The following CCDC172 variants were observed in gnomAD, a reference collection of about 807,000 sequenced individuals.
The protein encoded by CCDC172 is coiled-coil domain containing 172, also known as coiled-coil domain-containing protein 172.
CCDC172 carries 30 observed loss-of-function variants against 38.0 expected under a neutral mutation model. That is an observed-to-expected ratio of 0.79 (90% CI 0.59 to 1.07). The LOEUF is 1.07. Among genes scored for constraint, CCDC172 ranks in the 50% least tolerant of loss-of-function variants. CCDC172 has a pLI of 0.00. For synonymous variants in CCDC172, 78 were observed against 88.3 expected (o/e 0.88, Z 0.66); for missense variants, 297 against 290.1 (o/e 1.02, Z -0.17).
chr10:116,338,566 T>C (rs1844757357), intron 3 of CCDC172, among the ~76,000 whole-genome samples: 1 of 152,094 alleles, frequency 6.6e-6, no homozygotes, highest in Non-Finnish European at 1.5e-5. Flanking sequence ...GTCTACTTTT[T>C]AGTTTTTGGG....
At chr10:116,353,609 G>A (rs951151753) in intron 5 of CCDC172, among the ~76,000 whole-genome samples, 3 of 152,196 alleles carry the variant, frequency 2.0e-5, no homozygotes, top group Non-Finnish European at 2.9e-5. Flanking sequence ...GCCACTTCCA[G>A]TAGGGGCTTG....
intron 5 of CCDC172, among the ~76,000 whole-genome samples, chr10:116,352,320 T>C (rs867480808): frequency 2.6e-5 from 4 of 152,102 alleles, no homozygotes; most frequent in Non-Finnish European, 5.9e-5. Flanking sequence ...GTAAACACAA[T>C]GTTTGGTATA....
intron 7 of CCDC172, among the ~76,000 whole-genome samples, chr10:116,376,957 C>A (rs1222514355): frequency 1.3e-5 from 2 of 151,964 alleles, no homozygotes; most frequent in Admixed American, 1.3e-4. Context: ...CATTACTACA[C>A]CCATATACTT....
intron 5 of CCDC172, among the ~76,000 whole-genome samples, chr10:116,353,649 A>G (rs1279305401): frequency 6.6e-6 from 1 of 152,244 alleles, no homozygotes; most frequent in African/African-American, 2.4e-5. Flanking sequence ...GAGGAGAAAG[A>G]CAGTGGTATT....
chr10:116,378,300 T>C lies in CCDC172; in HGVS notation c.654-123T>C, dbSNP rs897813072. On this transcript the variant is annotated intron_variant, in intron 7 of 8. Transcript: ENST00000333254. ...TATGGAATTATAGATAATTAAAATATGCCAATTATTTAGTCTTAACTTGAA... is the reference window on the plus strand; with the variant it reads ...TATGGAATTATAGATAATTAAAATACGCCAATTATTTAGTCTTAACTTGAA... 6.2e-6 allele frequency: 6 copies of C among 968,130 alleles called. No individual in the cohort carries two copies. In the African/African-American group the frequency reaches 8.6e-5, roughly 14 times the overall value. 60.0% of individuals were successfully genotyped at this position (968,130 alleles called of 1,614,324 possible).
At chr10:116,325,165 G>A in intron 2 of CCDC172, 75 bp downstream of exon 2, 7 of 1,537,212 alleles carry the variant, frequency 4.6e-6, no homozygotes, top group Non-Finnish European at 6.3e-6. Flanking sequence ...AGGAAATCCC[G>A]AAGGCAGTGG....
intron 7 of CCDC172, among the ~76,000 whole-genome samples, chr10:116,372,504 T>A (rs1845196775): frequency 6.6e-6 from 1 of 152,132 alleles, no homozygotes. Context: ...TTTTCCTAAT[T>A]TTGCTTTTTC....
chr10:116,361,237 A>G (rs73375746), intron 7 of CCDC172, among the ~76,000 whole-genome samples: 15,900 of 151,936 alleles, frequency 0.1, 1,472 homozygotes, highest in East Asian at 0.33. Context: ...CACCTGCCTC[A>G]GTCTCCCAAA....
chr10:116,347,854 C>A (rs543390376), intron 5 of CCDC172, among the ~76,000 whole-genome samples: 24 of 152,152 alleles, frequency 1.6e-4, no homozygotes, highest in African/African-American at 5.8e-4. Context: ...TCCCTCCCTC[C>A]CACTACATCT....
chr10:116,375,031 T>C (rs1455311278), intron 7 of CCDC172, among the ~76,000 whole-genome samples: 1 of 152,182 alleles, frequency 6.6e-6, no homozygotes, highest in Non-Finnish European at 1.5e-5. Context: ...TATTTCCTTA[T>C]GCTTTTCTTT....
chr10:116,369,545 G>A (rs1177219964), intron 7 of CCDC172, among the ~76,000 whole-genome samples: 2 of 151,928 alleles, frequency 1.3e-5, no homozygotes, highest in Non-Finnish European at 2.9e-5. Context: ...AGTTAAAAGA[G>A]ATTATCTTCA....
At chr10:116,375,732 A>T (rs1331643295) in intron 7 of CCDC172, among the ~76,000 whole-genome samples, 1 of 152,190 alleles carries the variant, frequency 6.6e-6, no homozygotes, top group Non-Finnish European at 1.5e-5. Flanking sequence ...ATGAACAGAC[A>T]CTTCTCAAAA....
chr10:116,375,371 A>T (rs1245736666), intron 7 of CCDC172, among the ~76,000 whole-genome samples: 2 of 151,940 alleles, frequency 1.3e-5, no homozygotes, highest in African/African-American at 4.8e-5. Context: ...AGGTATACAC[A>T]TGCCATGGTG....
At chr10:116,337,377 C>T (rs1844744397) in intron 3 of CCDC172, among the ~76,000 whole-genome samples, 1 of 152,092 alleles carries the variant, frequency 6.6e-6, no homozygotes, top group South Asian at 2.1e-4. Flanking sequence ...GTCTCAAACT[C>T]CTGACCAGGT....
chr10:116,356,857 T>C (rs1475262909), intron 5 of CCDC172, among the ~76,000 whole-genome samples: 2 of 152,228 alleles, frequency 1.3e-5, no homozygotes, highest in African/African-American at 2.4e-5. Flanking sequence ...ATATTTTGAA[T>C]TCTCTTTTGG....
chr10:116,356,031 G>A (rs1190023007), intron 5 of CCDC172, among the ~76,000 whole-genome samples: 1 of 152,076 alleles, frequency 6.6e-6, no homozygotes, highest in Non-Finnish European at 1.5e-5. Context: ...GGCTCTAAAA[G>A]TTAGGAAATA....
intron 3 of CCDC172, among the ~76,000 whole-genome samples, chr10:116,329,398 T>A (rs1319950695): frequency 6.6e-6 from 1 of 152,070 alleles, no homozygotes; most frequent in Non-Finnish European, 1.5e-5. Context: ...ACTTGCTGTT[T>A]CCTCTGCTTG....
In CCDC172 at chr10:116,378,477, A is replaced by C. The variant is rs750476439; in HGVS notation, c.708A>C (p.Glu236Asp). The change falls in exon 8 of 9, where the codon GAA (glutamate) becomes GAC (aspartate). Residue 236 changes from glutamate (E) to aspartate (D), a missense_variant. Glu to Asp is a conservative substitution (Grantham distance 45). Coordinates refer to ENST00000333254, the MANE Select transcript of CCDC172 (RefSeq NM_198515.3). ...AAGATGACATGGAAAGTGTTTATGA[A>C]GCTCTCCAAACAGAAATAGAATTTT... ...YKEDDMESVY[E>D]ALQTEIEFLE... 6.2e-7 allele frequency: 1 copy of C among 1,604,978 alleles called. No homozygotes were observed. The highest frequency in any genetic ancestry group is 8.5e-7 in the Non-Finnish European group (1 of 1,176,424).
intron 7 of CCDC172, among the ~76,000 whole-genome samples, chr10:116,362,359 T>A (rs1257315184): frequency 6.6e-6 from 1 of 152,228 alleles, no homozygotes; most frequent in Non-Finnish European, 1.5e-5. Flanking sequence ...TTTGTACTAA[T>A]CTTCATTCTT....
Sources: allele counts gnomAD v4.1 joint callset (sites outside exome capture counted in the v4.1 genomes callset), GRCh38; gene constraint gnomAD v4.1.1; transcripts MANE v1.5; gene names NCBI Gene and HGNC (gene_info 2026-07-23, HGNC 2026-07-21).